The following GLT8D2 variants were observed in gnomAD, a reference collection of about 807,000 sequenced individuals.
The protein encoded by GLT8D2 is glycosyltransferase 8 domain containing 2.
A neutral mutation model predicts 44.5 loss-of-function variants in GLT8D2; 45 were observed. That is an observed-to-expected ratio of 1.01 (90% CI 0.80 to 1.30). The LOEUF is 1.30. Ranked by LOEUF, GLT8D2 falls within the 50% of genes most tolerant of loss-of-function variation. GLT8D2 has a pLI of 0.00. For synonymous variants in GLT8D2, 156 were observed against 157.2 expected, an observed-to-expected ratio of 0.99 and a Z score of 0.06; for missense variants, 400 against 430.4, an observed-to-expected ratio of 0.93 and a Z score of 0.62.
At chr12:104,007,809 T>C (rs1875279143) in intron 4 of GLT8D2, among the ~76,000 whole-genome samples, 1 of 152,218 alleles carries the variant, frequency 6.6e-6, no homozygotes, top group African/African-American at 2.4e-5. Flanking sequence ...CAGTGGGAGA[T>C]AATCTGAATC....
At chr12:103,995,303 T>A (rs1873272734) in intron 8 of GLT8D2, among the ~76,000 whole-genome samples, 1 of 152,168 alleles carries the variant, frequency 6.6e-6, no homozygotes, top group South Asian at 2.1e-4. Flanking sequence ...ATACCCTATA[T>A]CATCTGACCC....
At chr12:103,995,871 G>A (rs1873353784) in intron 8 of GLT8D2, among the ~76,000 whole-genome samples, 1 of 152,130 alleles carries the variant, frequency 6.6e-6, no homozygotes, top group South Asian at 2.1e-4. Flanking sequence ...AACTTTACAT[G>A]TACTACCTCA....
At chr12:103,997,891 T>C (rs1273381911) in intron 6 of GLT8D2, among the ~76,000 whole-genome samples, 1 of 148,604 alleles carries the variant, frequency 6.7e-6, no homozygotes, top group Non-Finnish European at 1.5e-5. Flanking sequence ...ATTTTGATAA[T>C]TGTCAATTAA....
chr12:104,004,270 A>G (rs1443437706), intron 4 of GLT8D2, among the ~76,000 whole-genome samples: 1 of 152,212 alleles, frequency 6.6e-6, no homozygotes, highest in Non-Finnish European at 1.5e-5. Flanking sequence ...CACAGCCAAT[A>G]TCATACTGAA....
At chr12:104,061,279 C>T (rs180718549) in intron 1 of GLT8D2, among the ~76,000 whole-genome samples, 4 of 152,270 alleles carry the variant, frequency 2.6e-5, no homozygotes, top group Non-Finnish European at 5.9e-5. Context: ...AAATATTTTG[C>T]CTTAATTTTT....
chr12:104,000,413 G>T (rs1008134108), intron 5 of GLT8D2, among the ~76,000 whole-genome samples: 2 of 152,098 alleles, frequency 1.3e-5, no homozygotes, highest in African/African-American at 2.4e-5. Flanking sequence ...TAAAAAGATT[G>T]ATTTTATACT....
At chr12:104,028,505 G>T (rs971774979) in intron 1 of GLT8D2, among the ~76,000 whole-genome samples, 3 of 152,184 alleles carry the variant, frequency 2.0e-5, no homozygotes, top group African/African-American at 7.2e-5. Flanking sequence ...AGTACAATTA[G>T]TGTATTAAAC....
At chr12:104,035,184 G>A (rs546531828) in intron 1 of GLT8D2, among the ~76,000 whole-genome samples, 1 of 152,256 alleles carries the variant, frequency 6.6e-6, no homozygotes, top group South Asian at 2.1e-4. Flanking sequence ...AAAGACCAAA[G>A]GTAGATAAAA....
At chr12:104,030,772 C>T in intron 1 of GLT8D2, 1 of 1,611,934 alleles carries the variant, frequency 6.2e-7, no homozygotes, top group South Asian at 1.1e-5. Context: ...ATCCCCAGCC[C>T]GCCGCCATGG....
intron 4 of GLT8D2, chr12:104,012,891 A>G: frequency 1.5e-6 from 1 of 680,526 alleles, no homozygotes; most frequent in South Asian, 1.6e-5. Flanking sequence ...GCACAGAGAA[A>G]AGGCCACGTG....
At chr12:104,040,692 G>C (rs1181499143) in intron 1 of GLT8D2, among the ~76,000 whole-genome samples, 2 of 151,976 alleles carry the variant, frequency 1.3e-5, no homozygotes, top group African/African-American at 4.8e-5. Flanking sequence ...CCAAAGTGCT[G>C]GGATTACAGG....
At chr12:104,044,909 T>C (rs192515540) in intron 1 of GLT8D2, among the ~76,000 whole-genome samples, 3 of 152,394 alleles carry the variant, frequency 2.0e-5, no homozygotes, top group Admixed American at 6.5e-5. Context: ...TGCTAACATG[T>C]TGACATATTT....
At chr12:104,045,917 A>AAGAAAGAG (rs1447182652) in intron 1 of GLT8D2, among the ~76,000 whole-genome samples, 10 of 146,314 alleles carry the variant, frequency 6.8e-5, no homozygotes, top group Non-Finnish European at 1.2e-4. Flanking sequence ...GAAAGAAAGA[A>AAGAAAGAG]AGAAAGAAAG....
At chr12:104,020,328 T>C (rs148022012) in intron 2 of GLT8D2, among the ~76,000 whole-genome samples, 117 of 152,244 alleles carry the variant, frequency 7.7e-4, no homozygotes, top group African/African-American at 2.7e-3. Context: ...TGATCTAAAA[T>C]ATCAACCCTA....
chr12:104,045,316 T>A (rs76099481), intron 1 of GLT8D2, among the ~76,000 whole-genome samples: 5,009 of 152,240 alleles, frequency 0.033, 282 homozygotes, highest in African/African-American at 0.12. Flanking sequence ...CCCTTACACC[T>A]CTGTGAGCTT....
chr12:103,992,533 C>A (rs55893407), intron 10 of GLT8D2, among the ~76,000 whole-genome samples: 12,535 of 149,486 alleles, frequency 0.084, 809 homozygotes, highest in East Asian at 0.3. Context: ...GGTCCTGTCG[C>A]CCAGGCTGGA....
intron 4 of GLT8D2, 42 bp from the exon 5 acceptor site, chr12:104,003,348 T>A: frequency 6.3e-7 from 1 of 1,580,780 alleles, no homozygotes; most frequent in Non-Finnish European, 8.7e-7. Context: ...TGAAAGAATT[T>A]CACAGTAGAG....
intron 10 of GLT8D2, 92 bp from the exon 11 acceptor site, chr12:103,989,669 G>GTTCA: frequency 8.6e-7 from 1 of 1,169,514 alleles, no homozygotes; most frequent in Non-Finnish European, 1.2e-6. Flanking sequence ...TTAAAAAAAG[G>GTTCA]TAAACAAATA....
chr12:104,060,671 C>T (rs936432472), intron 1 of GLT8D2, among the ~76,000 whole-genome samples: 3 of 152,040 alleles, frequency 2.0e-5, no homozygotes, highest in Admixed American at 6.6e-5. Flanking sequence ...ATCTGTAATC[C>T]CAGCACTTTG....
Sources: allele counts gnomAD v4.1 joint callset (sites outside exome capture counted in the v4.1 genomes callset), GRCh38; gene constraint gnomAD v4.1.1; transcripts MANE v1.5; gene names NCBI Gene and HGNC (gene_info 2026-07-23, HGNC 2026-07-21).